Variants in TRPM3 observed in about 807,000 individuals in gnomAD.
TRPM3 encodes long transient receptor potential channel 3.
Under a neutral mutation model 181.2 loss-of-function variants are expected in TRPM3, and 77 were observed. The observed-to-expected ratio is 0.42, with a 90% confidence interval of 0.35 to 0.51. The LOEUF is 0.51. Ranked by LOEUF, TRPM3 falls within the 20% of genes least tolerant of loss-of-function variation. The pLI, the probability that TRPM3 is intolerant of heterozygous loss-of-function variation, is 0.01. For synonymous variants in TRPM3, 745 were observed against 796.4 expected (o/e 0.94, Z 1.09); for missense variants, 1,759 against 2,196.7 (o/e 0.80, Z 3.98).
chr9:71,200,141 A>C (rs892555619), intron 1 of TRPM3, among the ~76,000 whole-genome samples: 5 of 152,136 alleles, frequency 3.3e-5, no homozygotes, highest in African/African-American at 4.8e-5. Flanking sequence ...CCCAGTAGTC[A>C]TTCAGGAGGA....
intron 1 of TRPM3, among the ~76,000 whole-genome samples, chr9:70,907,378 A>T (rs997577080): frequency 3.9e-5 from 6 of 152,116 alleles, no homozygotes; most frequent in Admixed American, 6.5e-5. Context: ...CTTTTTGTTG[A>T]TGATTTTGCT....
intron 1 of TRPM3, among the ~76,000 whole-genome samples, chr9:71,378,494 T>C (rs1039447263): frequency 1.3e-5 from 2 of 152,082 alleles, no homozygotes; most frequent in Admixed American, 1.3e-4. Context: ...TGTGCTATCA[T>C]TTTCCTGGTT....
intron 1 of TRPM3, among the ~76,000 whole-genome samples, chr9:71,368,027 CAT>C (rs1040997818): frequency 2.0e-4 from 30 of 151,952 alleles, no homozygotes; most frequent in African/African-American, 6.0e-4. Flanking sequence ...TACACACACA[CAT>C]ATGAGTATGT....
At chr9:71,181,677 G>A (rs919566028) in intron 1 of TRPM3, among the ~76,000 whole-genome samples, 9 of 152,128 alleles carry the variant, frequency 5.9e-5, no homozygotes, top group African/African-American at 2.2e-4. Flanking sequence ...ACAAAAAAGT[G>A]ATGTCAAATT....
At chr9:71,258,948 GGTTT>G (rs1332492303) in intron 1 of TRPM3, among the ~76,000 whole-genome samples, 1 of 152,028 alleles carries the variant, frequency 6.6e-6, no homozygotes, top group Non-Finnish European at 1.5e-5. Flanking sequence ...AGAACATGTG[GGTTT>G]GTTACATAGG....
At chr9:70,829,196 A>G (rs2093740861) in intron 5 of TRPM3, among the ~76,000 whole-genome samples, 1 of 152,172 alleles carries the variant, frequency 6.6e-6, no homozygotes, top group Middle Eastern at 3.2e-3. Context: ...GTTCTTTTTC[A>G]GTATGTAATA....
At chr9:71,401,518 G>A (rs920244028) in intron 1 of TRPM3, among the ~76,000 whole-genome samples, 9 of 152,198 alleles carry the variant, frequency 5.9e-5, no homozygotes, top group African/African-American at 1.4e-4. Context: ...GTGTTAAGTA[G>A]ACAGAATGAG....
chr9:71,046,671 T>G (rs934275435), intron 1 of TRPM3, among the ~76,000 whole-genome samples: 1 of 152,186 alleles, frequency 6.6e-6, no homozygotes, highest in African/African-American at 2.4e-5. Context: ...GGAGGAATCT[T>G]CTTAACAATT....
chr9:71,380,764 C>T lies in TRPM3; in HGVS notation c.183+65889G>A, dbSNP rs989754028. Among the ~76,000 whole-genome samples the T allele has an allele frequency of 7.9e-5, 12 of 151,980 alleles. 1 individual carries two copies. The highest frequency in any genetic ancestry group is 4.1e-4 in the South Asian group (2 of 4,828). ...TTCACTTGCTGCTTCATAAAGAAAACGTATTTACTAACTTAGGTCCTGACA... is the reference window on the plus strand; with the variant it reads ...TTCACTTGCTGCTTCATAAAGAAAATGTATTTACTAACTTAGGTCCTGACA... On this transcript the variant is annotated intron_variant, in intron 1 of 24. Transcript: ENST00000357533.
In TRPM3 at chr9:70,619,054, T is replaced by C. The variant is rs1268793447; in HGVS notation, c.2171A>G (p.Tyr724Cys). Residue 724 changes from tyrosine (Y) to cysteine (C), a missense_variant, in exon 17 of 26, where the codon TAC (tyrosine) becomes TGC (cysteine). Tyr to Cys is a radical substitution (Grantham distance 194, BLOSUM62 -2). Around this residue, in one of 8 missense-constraint regions of TRPM3, gnomAD observed 737 missense variants for 957.4 expected, o/e 0.77. Transcript: ENST00000677713. Reference protein sequence around the residue: ...QLAVELLDQSYKQDEQLAMKL... With the variant: ...QLAVELLDQSCKQDEQLAMKL... ...CATGGCCAGCTGTTCGTCCTGCTTG[T>C]AGGACTGGTCCAGGAGCTCCACAGC... 1 of 1,614,128 alleles carries C rather than the reference T, an allele frequency of 6.2e-7. No homozygotes were observed. Among genetic ancestry groups the C allele is most frequent in the Admixed American group, 1.7e-5 (1 of 60,022 alleles).
chr9:71,145,663 ACTT>A (rs2075365047), intron 1 of TRPM3, among the ~76,000 whole-genome samples: 2 of 152,160 alleles, frequency 1.3e-5, no homozygotes, highest in Admixed American at 1.3e-4. Flanking sequence ...AAAGTATACT[ACTT>A]ACTGTTAGTA....
chr9:71,186,201 T>C (rs1411695344), intron 1 of TRPM3, among the ~76,000 whole-genome samples: 1 of 152,020 alleles, frequency 6.6e-6, no homozygotes, highest in Non-Finnish European at 1.5e-5. Context: ...TATGGCCTCA[T>C]CTTACTTAAT....
intron 1 of TRPM3, among the ~76,000 whole-genome samples, chr9:71,011,770 GTTTT>G (rs1284794876): frequency 8.3e-6 from 1 of 120,918 alleles, no homozygotes; most frequent in Non-Finnish European, 1.8e-5. Context: ...TTCATCCATG[GTTTT>G]TTTTTTTGTT....
chr9:71,215,021 C>G (rs1405178271), intron 1 of TRPM3, among the ~76,000 whole-genome samples: 1 of 118,690 alleles, frequency 8.4e-6, no homozygotes, highest in African/African-American at 3.2e-5. Flanking sequence ...TTCACTCTGC[C>G]TCACCAAAAA....
chr9:70,992,788 A>G (rs971606066), intron 1 of TRPM3, among the ~76,000 whole-genome samples: 3 of 152,224 alleles, frequency 2.0e-5, no homozygotes, highest in African/African-American at 4.8e-5. Flanking sequence ...GTGTGAATAA[A>G]TAAATCAGAA....
chr9:71,201,167 A>C (rs1161109662), intron 1 of TRPM3, among the ~76,000 whole-genome samples: 1 of 151,570 alleles, frequency 6.6e-6, no homozygotes, highest in African/African-American at 2.4e-5. Context: ...TTCTGGGTTG[A>C]AAATTCTTTT....
At chr9:71,392,995 G>A (rs192958786) in intron 1 of TRPM3, among the ~76,000 whole-genome samples, 57 of 152,244 alleles carry the variant, frequency 3.7e-4, no homozygotes, top group Non-Finnish European at 8.8e-5. Context: ...TATGGGCCTG[G>A]AGCAATAGGT....
Position 70,531,437 on chromosome 9 carries a change from G to A in TRPM3, c.*4516C>T, listed in dbSNP as rs542968884. The A allele has an allele frequency of 6.6e-6, 1 of 152,264 alleles. No homozygotes were observed. The highest frequency in any genetic ancestry group is 2.1e-4 in the South Asian group (1 of 4,834). The allele number at this position is 152,264 out of a possible 1,614,324, so 9.4% of individuals were successfully genotyped here. ...ACAGCAGGCAATAGTAAAATGTTAA[G>A]TGCCTTAGAAAAGTCAAAAGAAATG... On this transcript the variant is annotated 3_prime_UTR_variant, in exon 26 of 26. Transcript: ENST00000677713.
chr9:71,367,943 TTGTGTG>T (rs35334724), intron 1 of TRPM3, among the ~76,000 whole-genome samples: 12 of 150,846 alleles, frequency 8.0e-5, no homozygotes, highest in Non-Finnish European at 1.3e-4. Context: ...TCCTAAGCAT[TTGTGTG>T]TGTGTGTGTG....
Sources: allele counts gnomAD v4.1 joint callset (sites outside exome capture counted in the v4.1 genomes callset), GRCh38; gene constraint gnomAD v4.1.1; regional missense constraint gnomAD v4.1.1; transcripts MANE v1.5; gene names NCBI Gene and HGNC (gene_info 2026-07-23, HGNC 2026-07-21).